Variants in LIG1 observed in about 807,000 individuals in gnomAD.
The protein encoded by LIG1 is DNA ligase 1.
LIG1 carries 70 observed loss-of-function variants against 115.7 expected under a neutral mutation model. That is an observed-to-expected ratio of 0.60 (90% confidence interval 0.50 to 0.74). The LOEUF (loss-of-function observed/expected upper bound fraction) is 0.74. Ranked by LOEUF, LIG1 falls within the 30% of genes least tolerant of loss-of-function variation. The probability of loss-of-function intolerance (pLI) is 0.00; values close to 1 mark genes in which losing one functional copy is unlikely to be tolerated. For missense variants in LIG1, 1,115 were observed against 1,225.6 expected (o/e 0.91, Z 1.35); for synonymous variants, 487 against 495.3 (o/e 0.98, Z 0.22).
intron 23 of LIG1, among the ~76,000 whole-genome samples, chr19:48,121,696 G>A (rs954020287): frequency 3.9e-5 from 6 of 152,208 alleles, no homozygotes; most frequent in Non-Finnish European, 5.9e-5. Flanking sequence ...AGCTACTTGG[G>A]AGGCTGAGGC....
rs202203416 is a variant in LIG1 at position 48,123,329 on chromosome 19, G to A, written c.2005-11C>T. 153 of 1,612,186 alleles carry A rather than the reference G, an allele frequency of 9.5e-5. 2 individuals carry two copies. The Admixed American group carries it at 1.2e-3, about 12-fold the overall frequency. ...CTCACGTACCAGGGACTGCAGGGCC[G>A]GCAGGGAGAAGAGAGATGAGACATC... On this transcript the variant is annotated splice_polypyrimidine_tract_variant and intron_variant, in intron 21 of 27. Coordinates refer to ENST00000263274, the MANE Select transcript of LIG1 (RefSeq NM_000234.3).
intron 9 of LIG1, among the ~76,000 whole-genome samples, chr19:48,147,603 C>G (rs1445464810): frequency 6.0e-5 from 9 of 150,730 alleles, no homozygotes; most frequent in Admixed American, 1.3e-4. Flanking sequence ...CCCAGGAGCA[C>G]CACTGCACTC....
intron 10 of LIG1, 26 bp from the exon 11 acceptor site, chr19:48,143,625 G>A: frequency 6.3e-7 from 1 of 1,596,582 alleles, no homozygotes; most frequent in South Asian, 1.1e-5. Context: ...AGACGCAAGA[G>A]TGACAGTGGT....
intron 24 of LIG1, among the ~76,000 whole-genome samples, chr19:48,119,445 A>G (rs1202629776): frequency 2.0e-5 from 3 of 148,640 alleles, no homozygotes; most frequent in Non-Finnish European, 4.4e-5. Context: ...TGCTGCTTCC[A>G]CTGTCTCCCT....
At chr19:48,143,424 C>T (rs2034903355) in intron 11 of LIG1, 119 bp downstream of exon 11, 6 of 932,384 alleles carry the variant, frequency 6.4e-6, no homozygotes, top group Admixed American at 1.7e-5. Context: ...ATCATACGCC[C>T]GAGCGGGGTC....
At position 48,151,242 on chromosome 19, in the gene LIG1, T is replaced by C. The variant is rs1045432606; in HGVS notation, c.564A>G (p.Leu188=). Residue 188 remains leucine, a synonymous_variant, in exon 7 of 28, where the codon CTA becomes CTG. Transcript: ENST00000263274. ...GGACCAGAAACTCACTGGAGGTCTTTAGGGGCTTGGGAGGCGTGGTGGGCT... is the reference window on the plus strand; with the variant it reads ...GGACCAGAAACTCACTGGAGGTCTTCAGGGGCTTGGGAGGCGTGGTGGGCT... ...GDQPTTPPKP[L]KTSKAETPTE... 1.4e-5 allele frequency: 23 copies of C among 1,612,288 alleles called. No homozygotes were observed. The highest frequency in any genetic ancestry group is 8.0e-5 in the African/African-American group (6 of 74,836).
At chr19:48,161,236 G>T in intron 4 of LIG1, 136 bp downstream of exon 4, 2 of 1,330,804 alleles carry the variant, frequency 1.5e-6, no homozygotes, top group South Asian at 1.2e-5. Context: ...GTCTGCCCCC[G>T]ACACAACCAG....
chr19:48,137,667 C>G lies in LIG1; in HGVS notation c.1109G>C (p.Arg370Pro). ...QATGRQLESVRAEAAEKGDVG... is the reference protein window; with the variant it reads ...QATGRQLESVPAEAAEKGDVG... ...GTCGCCTTTCTCGGCTGCCTCAGCC[C>G]GGACGGACTCCAGCTGCCGACCTTC... is the stretch of plus-strand genomic sequence containing the variant. The change falls in exon 13 of 28, where the codon CGG becomes CCG. Residue 370 changes from arginine (R) to proline (P), a missense_variant. Coordinates refer to ENST00000263274, the MANE Select transcript of LIG1 (RefSeq NM_000234.3). The surrounding 1 kb of genome is among the most constrained non-coding windows in gnomAD (Gnocchi z 4.3). 6.2e-7 allele frequency: 1 copy of G among 1,605,216 alleles called. No homozygotes were observed. Among genetic ancestry groups the G allele is most frequent in the Non-Finnish European group, 8.5e-7 (1 of 1,179,194 alleles).
chr19:48,144,184 ATCTT>A (rs1412907604), intron 9 of LIG1, among the ~76,000 whole-genome samples: 1 of 152,200 alleles, frequency 6.6e-6, no homozygotes, highest in Non-Finnish European at 1.5e-5. Context: ...TGTTAAAAAA[ATCTT>A]TCAGAAAACA....
chr19:48,151,290 C>A lies in LIG1; in HGVS notation c.516G>T (p.Glu172Asp), dbSNP rs765575720. The change falls in exon 7 of 28, where the codon GAG becomes GAT. Residue 172 changes from glutamate to aspartate, a missense_variant. Transcript: ENST00000263274. ...ESLTEAEVAT[E>D]KEGEDGDQPT... is the part of the protein sequence containing the mutation. ...GCTGGTCCCCGTCTTCTCCTTCCTT[C>A]TCTGTGGCCACTTCAGCCTCTGTGA... 1.9e-6 allele frequency: 3 copies of A among 1,613,916 alleles called. No individual in the cohort carries two copies. In the South Asian group the frequency reaches 3.3e-5, roughly 18 times the overall value.
intron 21 of LIG1, 51 bp from the exon 22 acceptor site, chr19:48,123,369 G>C (rs745863395): frequency 1.8e-5 from 29 of 1,598,586 alleles, no homozygotes; most frequent in Non-Finnish European, 2.1e-5. Context: ...TGAGAATAAA[G>C]ACAATAAGCC....
At chr19:48,149,996 G>C in intron 8 of LIG1, 92 bp downstream of exon 8, 1 of 1,599,368 alleles carries the variant, frequency 6.3e-7, no homozygotes, top group Non-Finnish European at 8.6e-7. Context: ...AAAGGAAGAA[G>C]GGTCTTCGCA....
intron 15 of LIG1, 118 bp from the exon 16 acceptor site, chr19:48,135,897 T>TCC: frequency 1.9e-6 from 1 of 536,290 alleles, no homozygotes. Flanking sequence ...AGACGCCCCC[T>TCC]CCCCCCCACC....
intron 25 of LIG1, 143 bp from the exon 26 acceptor site, chr19:48,117,924 A>T: frequency 1.2e-6 from 1 of 822,328 alleles, no homozygotes; most frequent in Non-Finnish European, 2.0e-6. Context: ...AAATAAGGGA[A>T]AAGAAACAAG....
intron 17 of LIG1, 148 bp downstream of exon 17, chr19:48,133,833 G>T: frequency 1.4e-6 from 1 of 699,808 alleles, no homozygotes. Context: ...AAAAGCAGTG[G>T]GTTTCAGCAC....
rs1259903216 is a variant in LIG1, at chr19:48,142,453, AAAAAC to A, written c.914+1085_914+1089del. 1.1e-4 allele frequency among the ~76,000 whole-genome samples: 16 copies of A among 150,706 alleles called. 1 individual carries two copies. The South Asian group carries it at 3.2e-3, about 30-fold the overall frequency. On this transcript the variant is annotated intron_variant, in intron 11 of 27. Transcript: ENST00000263274. ...GCAAGACTCCATCTCAAAAAAAAAA[AAAAAC>A]AGAGTGCTGGGAACAGCCTGAAATG...
Position 48,165,572 on chromosome 19 carries a change from C to T in LIG1, c.-6G>A, listed in dbSNP as rs752384530. ...CACATGATACTTCGCTGCATGTTGG[C>T]GTCAGAATTCTCCCTTCCTGTCCAG... On this transcript the variant is annotated 5_prime_UTR_variant, in exon 2 of 28. Transcript: ENST00000263274. 2.5e-5 allele frequency: 40 copies of T among 1,613,694 alleles called. 1 individual carries two copies. The South Asian group carries it at 2.9e-4, about 12-fold the overall frequency.
chr19:48,133,065 T>TG lies in LIG1; in HGVS notation c.1641dup (p.Thr548HisfsTer12). 6.2e-7 allele frequency: 1 copy of TG among 1,613,620 alleles called. No individual in the cohort carries two copies. Among genetic ancestry groups the TG allele is most frequent in the Non-Finnish European group, 8.5e-7 (1 of 1,179,806 alleles). ...TTCAGGACCTCGCTGATGCCCCGGGTGGGATGGGCCAACATTGGTTTCAGG... is the reference window on the plus strand; with the variant it reads ...TTCAGGACCTCGCTGATGCCCCGGGTGGGGATGGGCCAACATTGGTTTCAGG... On this transcript the variant is annotated frameshift_variant, in exon 18 of 28. Transcript: ENST00000263274. LOFTEE classifies it high-confidence loss of function.
At chr19:48,121,964 C>T (rs555098490) in intron 23 of LIG1, among the ~76,000 whole-genome samples, 7 of 152,336 alleles carry the variant, frequency 4.6e-5, no homozygotes, top group Admixed American at 1.3e-4. Flanking sequence ...CGTTCAGAAA[C>T]GTTCACTAAG....
Sources: allele counts gnomAD v4.1 joint callset (sites outside exome capture counted in the v4.1 genomes callset), GRCh38; gene constraint gnomAD v4.1.1; non-coding constraint Gnocchi (gnomAD v3.1); transcripts MANE v1.5; gene names NCBI Gene and HGNC (gene_info 2026-07-23, HGNC 2026-07-21).